The following DCPS variants were observed in gnomAD, a reference collection of about 807,000 sequenced individuals.
The protein encoded by DCPS is m7GpppX diphosphatase.
DCPS carries 27 observed loss-of-function variants against 34.7 expected under a neutral mutation model. That is an observed-to-expected ratio of 0.78 (90% confidence interval 0.57 to 1.07). The LOEUF (loss-of-function observed/expected upper bound fraction) is 1.07. Ranked by LOEUF, DCPS falls within the 50% of genes least tolerant of loss-of-function variation. The pLI is 0.00. For synonymous variants in DCPS, 185 were observed against 185.7 expected, an observed-to-expected ratio of 1.00 and a Z score of 0.03; for missense variants, 464 against 436.9, an observed-to-expected ratio of 1.06 and a Z score of -0.55.
rs778511330 is a variant in DCPS, at chr11:126,346,346, A to C, written c.*733A>C. Among the ~76,000 whole-genome samples the C allele has an allele frequency of 2.9e-4, 44 of 152,356 alleles. No individual in the cohort carries two copies. The highest frequency in any genetic ancestry group is 5.6e-4 in the Non-Finnish European group (38 of 68,028). ...ATGAAGCAGCCAGAAGATCAAGTGC[A>C]AAACAGTGAATCAGCAAGGGCAAAT... is the stretch of plus-strand genomic sequence containing the variant. On this transcript the variant is annotated 3_prime_UTR_variant, in exon 6 of 6. Coordinates refer to ENST00000263579, the MANE Select transcript of DCPS (RefSeq NM_014026.6). This position sits in a 1 kb window ranked among gnomAD's most constrained non-coding sequence, Gnocchi z 4.1.
intron 1 of DCPS, 107 bp downstream of exon 1, chr11:126,304,388 A>G (rs529817137): frequency 1.3e-4 from 173 of 1,314,036 alleles, no homozygotes; most frequent in Non-Finnish European, 1.7e-4. Context: ...ACCAATCATT[A>G]TCACTCCGGG....
At position 126,345,446 on chromosome 11, in the gene DCPS, C is replaced by A. The variant is rs1331837713; in HGVS notation, c.847C>A (p.Leu283Met). The change falls in exon 6 of 6, where the codon CTG becomes ATG. Residue 283 changes from leucine (L) to methionine (M), a missense_variant. Transcript: ENST00000263579. This position sits in a 1 kb window ranked among gnomAD's most constrained non-coding sequence, Gnocchi z 7.4. Reference protein sequence around the residue: ...YYHLHVHFTALGFEAPGSGVE... With the variant: ...YYHLHVHFTAMGFEAPGSGVE... ...CCACCTGCATGTGCACTTCACCGCC[C>A]TGGGCTTCGAGGCCCCCGGCTCAGG... 4 of 1,614,228 alleles carry A rather than the reference C, an allele frequency of 2.5e-6. No homozygotes were observed. The highest frequency in any genetic ancestry group is 3.4e-6 in the Non-Finnish European group (4 of 1,180,034).
chr11:126,345,844 C>T lies in DCPS; in HGVS notation c.*231C>T, dbSNP rs866763058. ...GAAGGCCTTGAGAATGGTGGAAAGT[C>T]TCCAGGTGGTGGTTTCAACTGACAG... On this transcript the variant is annotated 3_prime_UTR_variant, in exon 6 of 6. Transcript: ENST00000263579. This position sits in a 1 kb window ranked among gnomAD's most constrained non-coding sequence, Gnocchi z 7.4. The T allele has an allele frequency of 1.6e-5, 10 of 636,630 alleles. No individual in the cohort carries two copies. Among genetic ancestry groups the T allele is most frequent in the African/African-American group, 1.5e-4 (8 of 54,600 alleles). The allele number at this position is 636,630 out of a possible 1,614,324, so 39.4% of individuals were successfully genotyped here.
Position 126,331,674 on chromosome 11 carries a change from T to A in DCPS, c.522+124T>A. 8.1e-7 allele frequency: 1 copy of A among 1,238,220 alleles called. No individual in the cohort carries two copies. The highest frequency in any genetic ancestry group is 1.1e-6 in the Non-Finnish European group (1 of 905,768). 76.7% of individuals were successfully genotyped at this position (1,238,220 alleles called of 1,614,324 possible). On this transcript the variant is annotated intron_variant, in intron 3 of 5. Coordinates refer to ENST00000263579, the MANE Select transcript of DCPS (RefSeq NM_014026.6). The surrounding 1 kb of genome is among the most constrained non-coding windows in gnomAD (Gnocchi z 7.2). ...GCTGGGCGAGGGGATGGGGGTACAGTAGAGAGCATGGCGGACAGAATCCCC... is the reference window on the plus strand; with the variant it reads ...GCTGGGCGAGGGGATGGGGGTACAGAAGAGAGCATGGCGGACAGAATCCCC...
rs1951621349 is a variant in DCPS, at chr11:126,312,041, C to T, written c.376+5297C>T. ...TGCCTCCCGGGTTCGAGTGATTCTC[C>T]AGCCTCAGCCTCCCGAGTAGCTGGG... On this transcript the variant is annotated intron_variant, in intron 2 of 5. Coordinates refer to ENST00000263579, the MANE Select transcript of DCPS (RefSeq NM_014026.6). This position sits in a 1 kb window ranked among gnomAD's most constrained non-coding sequence, Gnocchi z 5.1. Among the ~76,000 whole-genome samples, 1 of 152,168 alleles carries T rather than the reference C, an allele frequency of 6.6e-6. No homozygotes were observed. The highest frequency in any genetic ancestry group is 2.1e-4 in the South Asian group (1 of 4,836).
chr11:126,315,496 G>A lies in DCPS; in HGVS notation c.376+8752G>A, dbSNP rs1490266034. Among the ~76,000 whole-genome samples the A allele has an allele frequency of 6.6e-6, 1 of 151,868 alleles. No individual in the cohort carries two copies. The highest frequency in any genetic ancestry group is 1.5e-5 in the Non-Finnish European group (1 of 68,000). ...GATTGCTTGAGCTCAGGAGGTCAAG[G>A]CTGCAGTGAACTATGATTATGCCGC... On this transcript the variant is annotated intron_variant, in intron 2 of 5. Transcript: ENST00000263579. This position sits in a 1 kb window ranked among gnomAD's most constrained non-coding sequence, Gnocchi z 6.1.
intron 2 of DCPS, among the ~76,000 whole-genome samples, chr11:126,330,739 T>A (rs1951782807): frequency 8.8e-6 from 1 of 114,084 alleles, no homozygotes; most frequent in Admixed American, 9.2e-5. Context: ...TTTTTTTTTT[T>A]TTTTTTTTTT....
intron 2 of DCPS, among the ~76,000 whole-genome samples, chr11:126,310,337 C>T (rs538312695): frequency 1.3e-4 from 20 of 152,278 alleles, no homozygotes; most frequent in South Asian, 2.1e-4. Context: ...TTCAAGAATC[C>T]GATGCGCTAA....
chr11:126,316,740 C>T lies in DCPS; in HGVS notation c.376+9996C>T, dbSNP rs564991801. Among the ~76,000 whole-genome samples the T allele has an allele frequency of 1.5e-4, 22 of 151,440 alleles. No homozygotes were observed. The South Asian group carries it at 4.2e-3, about 29-fold the overall frequency. On this transcript the variant is annotated intron_variant, in intron 2 of 5. Transcript: ENST00000263579. ...TCGTGATCTCAGCTGACTGCAACCT[C>T]CGCCTCCCGGGTTCAAGCCATTCTC...
rs564716589 is a variant in DCPS, at chr11:126,347,412, C to T, written c.*1799C>T. On this transcript the variant is annotated 3_prime_UTR_variant, in exon 6 of 6. Coordinates refer to ENST00000263579, the MANE Select transcript of DCPS (RefSeq NM_014026.6). This position sits in a 1 kb window ranked among gnomAD's most constrained non-coding sequence, Gnocchi z 4.2. ...CTAATTTTTGTATTTTTAGTAGAGA[C>T]GGGGTTTCACCATGTTGGCCAGGCT... is the stretch of plus-strand genomic sequence containing the variant. Among the ~76,000 whole-genome samples, 27 of 151,942 alleles carry T rather than the reference C, an allele frequency of 1.8e-4. No individual in the cohort carries two copies. The highest frequency in any genetic ancestry group is 2.1e-4 in the South Asian group (1 of 4,824).
In DCPS at chr11:126,349,579, A is replaced by G. The variant is rs1394717977; in HGVS notation, c.*3966A>G. On this transcript the variant is annotated 3_prime_UTR_variant, in exon 6 of 6. Transcript: ENST00000263579. The surrounding 1 kb of genome is among the most constrained non-coding windows in gnomAD (Gnocchi z 5.4). ...TATTCCATGTCCCTGTTGAATACAG[A>G]TCCCCGAACTGAGAAATAAGAAACA... 2.0e-5 allele frequency among the ~76,000 whole-genome samples: 3 copies of G among 152,224 alleles called. No homozygotes were observed. Among genetic ancestry groups the G allele is most frequent in the African/African-American group, 7.2e-5 (3 of 41,456 alleles).
At chr11:126,340,872 G>T (rs1445911869) in intron 4 of DCPS, 1 of 152,166 alleles carries the variant, frequency 6.6e-6, no homozygotes, top group Non-Finnish European at 1.5e-5. Flanking sequence ...TTCTCTTAAA[G>T]GATCACCTGT....
At position 126,325,559 on chromosome 11, in the gene DCPS, G is replaced by A. The variant is rs1309335441; in HGVS notation, c.377-5846G>A. ...AATTCTGGAAGTATATAACCAAAGA[G>A]GTGGCCAGAAGTGTTGAAAGTGGTG... On this transcript the variant is annotated intron_variant, in intron 2 of 5. Coordinates refer to ENST00000263579, the MANE Select transcript of DCPS (RefSeq NM_014026.6). The surrounding 1 kb of genome is among the most constrained non-coding windows in gnomAD (Gnocchi z 4.3). Among the ~76,000 whole-genome samples, 1 of 152,314 alleles carries A rather than the reference G, an allele frequency of 6.6e-6. No individual in the cohort carries two copies. The highest frequency in any genetic ancestry group is 1.9e-4 in the East Asian group (1 of 5,190).
chr11:126,342,304 A>G lies in DCPS; in HGVS notation c.637-1003A>G, dbSNP rs1951881589. The G allele has an allele frequency of 6.6e-6, 1 of 152,402 alleles. No homozygotes were observed. Among genetic ancestry groups the G allele is most frequent in the Non-Finnish European group, 1.5e-5 (1 of 68,176 alleles). 9.4% of individuals were successfully genotyped at this position (152,402 alleles called of 1,614,324 possible). A position where few individuals can be genotyped will look rare whatever the true frequency, so the allele number is the denominator to read the frequency against. On this transcript the variant is annotated intron_variant, in intron 4 of 5. Transcript: ENST00000263579. This position sits in a 1 kb window ranked among gnomAD's most constrained non-coding sequence, Gnocchi z 4.4. Reference sequence around the variant, plus strand: ...GTTTTCAGCCAGGTTGTGCTCAGGAAGGACAGCAGGAAGGTATCCTGTGCG... The same window carrying G: ...GTTTTCAGCCAGGTTGTGCTCAGGAGGGACAGCAGGAAGGTATCCTGTGCG...
At position 126,315,977 on chromosome 11, in the gene DCPS, T is replaced by C. The variant is rs1342001571; in HGVS notation, c.376+9233T>C. 1.3e-5 allele frequency among the ~76,000 whole-genome samples: 2 copies of C among 152,110 alleles called. No homozygotes were observed. Among genetic ancestry groups the C allele is most frequent in the African/African-American group, 4.8e-5 (2 of 41,358 alleles). ...ATCTGCCCACCTCACCCTTTCAAAG[T>C]GCTGGGATTACAGATGTGAGTCACC... On this transcript the variant is annotated intron_variant, in intron 2 of 5. Transcript: ENST00000263579. This position sits in a 1 kb window ranked among gnomAD's most constrained non-coding sequence, Gnocchi z 6.1.
Position 126,329,631 on chromosome 11 carries a change from T to C in DCPS, c.377-1774T>C, listed in dbSNP as rs1245702532. Among the ~76,000 whole-genome samples, 6 of 152,198 alleles carry C rather than the reference T, an allele frequency of 3.9e-5. No individual in the cohort carries two copies. Among genetic ancestry groups the C allele is most frequent in the Admixed American group, 1.3e-4 (2 of 15,282 alleles). Reference sequence around the variant, plus strand: ...AGAAATTGGAAGTAGCCTGTGGTGTTGCAGGAGCACTGGCTTTAGGGTGAG... The same window carrying C: ...AGAAATTGGAAGTAGCCTGTGGTGTCGCAGGAGCACTGGCTTTAGGGTGAG... On this transcript the variant is annotated intron_variant, in intron 2 of 5. Coordinates refer to ENST00000263579, the MANE Select transcript of DCPS (RefSeq NM_014026.6). This position sits in a 1 kb window ranked among gnomAD's most constrained non-coding sequence, Gnocchi z 5.0.
At chr11:126,304,311 C>T (rs767502173) in intron 1 of DCPS, 30 bp downstream of exon 1, 2 of 1,610,796 alleles carry the variant, frequency 1.2e-6, no homozygotes, top group South Asian at 1.1e-5. Context: ...AGGTGGGATG[C>T]GGGAAGCAGT....
In DCPS at chr11:126,346,967, A is replaced by G. The variant is rs1333911056; in HGVS notation, c.*1354A>G. Among the ~76,000 whole-genome samples the G allele has an allele frequency of 6.6e-6, 1 of 151,974 alleles. No homozygotes were observed. Among genetic ancestry groups the G allele is most frequent in the Non-Finnish European group, 1.5e-5 (1 of 67,974 alleles). On this transcript the variant is annotated 3_prime_UTR_variant, in exon 6 of 6. Transcript: ENST00000263579. This position sits in a 1 kb window ranked among gnomAD's most constrained non-coding sequence, Gnocchi z 4.1. ...TAGCCAGGTGTGGTGGTGGGCTCCT[A>G]TAATCCCACCTACTTGGGAGGCTGA...
In DCPS at chr11:126,325,228, A is replaced by G. The variant is rs758399429; in HGVS notation, c.377-6177A>G. On this transcript the variant is annotated intron_variant, in intron 2 of 5. Coordinates refer to ENST00000263579, the MANE Select transcript of DCPS (RefSeq NM_014026.6). This position sits in a 1 kb window ranked among gnomAD's most constrained non-coding sequence, Gnocchi z 4.3. ...TTAAACAGTAAAAATGTAATGACTTATTCCATACACCAAAAATTATGCTGA... is the reference window on the plus strand; with the variant it reads ...TTAAACAGTAAAAATGTAATGACTTGTTCCATACACCAAAAATTATGCTGA... 3.5e-4 allele frequency among the ~76,000 whole-genome samples: 54 copies of G among 152,294 alleles called. No individual in the cohort carries two copies. In the Middle Eastern group the frequency reaches 0.01, roughly 29 times the overall value.
Sources: gnomAD v4.1 joint callset for allele counts (sites outside exome capture counted in the v4.1 genomes callset) on GRCh38, gnomAD v4.1.1 for gene constraint, Gnocchi (gnomAD v3.1) non-coding constraint, MANE v1.5 for transcripts, NCBI Gene and HGNC (gene_info 2026-07-23, HGNC 2026-07-21) for gene names.